The following USP48 variants were observed in gnomAD, a reference collection of about 807,000 sequenced individuals.
USP48 encodes ubiquitin carboxyl-terminal hydrolase 48.
A neutral mutation model predicts 150.7 loss-of-function variants in USP48; 43 were observed. The ratio of observed to expected loss-of-function variants is 0.29; its 90% confidence interval spans 0.22 to 0.37. USP48 has a LOEUF of 0.37. Ranked by LOEUF, USP48 falls within the 10% of genes least tolerant of loss-of-function variation. The probability of loss-of-function intolerance (pLI) is 1.00; values close to 1 mark genes in which losing one functional copy is unlikely to be tolerated. For synonymous variants in USP48, 396 were observed against 425.9 expected (o/e 0.93, Z 0.86); for missense variants, 813 against 1,249.6 (o/e 0.65, Z 5.27).
At chr1:21,729,894 C>T (rs940619304) in intron 9 of USP48, 62 bp from the exon 10 acceptor site, 12 of 1,607,574 alleles carry the variant, frequency 7.5e-6, no homozygotes, top group African/African-American at 5.4e-5. Context: ...TATTCTTTAG[C>T]GGGGCTATAG....
At chr1:21,717,038 G>A (rs1159275555) in intron 14 of USP48, among the ~76,000 whole-genome samples, 1 of 151,154 alleles carries the variant, frequency 6.6e-6, no homozygotes, top group Non-Finnish European at 1.5e-5. Flanking sequence ...ATTATCCATG[G>A]GTTTTCCAGG....
intron 21 of USP48, among the ~76,000 whole-genome samples, chr1:21,701,838 C>A (rs2097657857): frequency 6.6e-6 from 1 of 152,164 alleles, no homozygotes; most frequent in African/African-American, 2.4e-5. Flanking sequence ...GCTCACCATA[C>A]ATTTAAGAGG....
At chr1:21,772,921 CA>C (rs112945957) in intron 1 of USP48, among the ~76,000 whole-genome samples, 10,805 of 108,200 alleles carry the variant, frequency 0.1, 443 homozygotes, top group Middle Eastern at 0.16. Context: ...GACTCTGTCT[CA>C]AAAAAAAAAA....
chr1:21,742,539 A>C (rs1357116774), intron 8 of USP48, among the ~76,000 whole-genome samples: 2 of 67,644 alleles, frequency 3.0e-5, no homozygotes, highest in African/African-American at 8.2e-5. Context: ...GCGAGACTCT[A>C]TCTCAAAAAA....
At chr1:21,686,346 G>A (rs1375561464) in intron 25 of USP48, 1 of 152,176 alleles carries the variant, frequency 6.6e-6, no homozygotes, top group Non-Finnish European at 1.5e-5. Flanking sequence ...TTATTATATT[G>A]AGGTATGTTC....
chr1:21,712,211 T>A (rs2152530078), intron 15 of USP48, among the ~76,000 whole-genome samples: 1 of 152,114 alleles, frequency 6.6e-6, no homozygotes, highest in South Asian at 2.1e-4. Flanking sequence ...ATACAAAAAT[T>A]AACTGGGAGT....
chr1:21,770,558 T>C (rs1306207001), intron 1 of USP48, among the ~76,000 whole-genome samples: 2 of 149,000 alleles, frequency 1.3e-5, no homozygotes, highest in Non-Finnish European at 3.0e-5. Flanking sequence ...CTCAGCTCAC[T>C]GCAACCTCCG....
intron 1 of USP48, chr1:21,781,987 T>G (rs2097915806): frequency 1.3e-5 from 2 of 152,218 alleles, no homozygotes; most frequent in Non-Finnish European, 2.9e-5. Context: ...CCAGAGACCA[T>G]GACTTCCATT....
At chr1:21,708,396 G>T (rs1270377898) in intron 15 of USP48, among the ~76,000 whole-genome samples, 3 of 152,082 alleles carry the variant, frequency 2.0e-5, no homozygotes, top group Non-Finnish European at 1.5e-5. Flanking sequence ...TACTCAGGAG[G>T]CTGAGGCAGA....
chr1:21,701,489 A>T lies in USP48; in HGVS notation c.2727+9T>A. On this transcript the variant is annotated intron_variant, in intron 22 of 26. Coordinates refer to ENST00000308271, the MANE Select transcript of USP48 (RefSeq NM_032236.8). ...AAGTATAACAATGAAAAGCAGCTTC[A>T]ACACATACTTGATTAAAATCTGGAT... 6.2e-7 allele frequency: 1 copy of T among 1,612,462 alleles called. No homozygotes were observed. Among genetic ancestry groups the T allele is most frequent in the Non-Finnish European group, 8.5e-7 (1 of 1,178,550 alleles).
chr1:21,782,671 C>G (rs1432032198), intron 1 of USP48, among the ~76,000 whole-genome samples, 153 bp downstream of exon 1: 2 of 152,242 alleles, frequency 1.3e-5, no homozygotes, highest in Non-Finnish European at 1.5e-5. Context: ...TTTCCCAGGT[C>G]GCGCAGACGG....
intron 11 of USP48, 167 bp from the exon 12 acceptor site, chr1:21,724,262 T>C (rs2097730204): frequency 1.4e-6 from 1 of 690,548 alleles, no homozygotes; most frequent in Non-Finnish European, 2.5e-6. Context: ...AAAGCTCCAG[T>C]TAAGTGCCAC....
chr1:21,727,110 T>C (rs2097739888), intron 11 of USP48, among the ~76,000 whole-genome samples: 1 of 152,192 alleles, frequency 6.6e-6, no homozygotes, highest in Admixed American at 6.5e-5. Flanking sequence ...CAAAAGCACG[T>C]TCCTACTGAG....
At chr1:21,717,580 A>G (rs1377788701) in intron 14 of USP48, among the ~76,000 whole-genome samples, 1 of 152,172 alleles carries the variant, frequency 6.6e-6, no homozygotes, top group Non-Finnish European at 1.5e-5. Context: ...CTCAAGCCTA[A>G]GAAGATGGTC....
At chr1:21,709,677 T>C (rs1366645463) in intron 15 of USP48, among the ~76,000 whole-genome samples, 1 of 152,102 alleles carries the variant, frequency 6.6e-6, no homozygotes, top group Non-Finnish European at 1.5e-5. Flanking sequence ...AACTTTACTA[T>C]TAAATGAGCA....
In USP48 at chr1:21,704,322, T is replaced by C. The variant is rs1189566709; in HGVS notation, c.2455A>G (p.Ile819Val). The change falls in exon 20 of 27, where the codon ATC becomes GTC. Residue 819 changes from isoleucine (I) to valine (V), a missense_variant. Transcript: ENST00000308271. Reference protein sequence around the residue: ...KLFVVDHVIKITRIEVGDVNP... With the variant: ...KLFVVDHVIKVTRIEVGDVNP... ...ACATCTCCCACTTCAATTCTCGTGA[T>C]TTTAATTACATGATCCACAACAAAG... 1.9e-6 allele frequency: 3 copies of C among 1,613,962 alleles called. No homozygotes were observed. The highest frequency in any genetic ancestry group is 2.5e-6 in the Non-Finnish European group (3 of 1,179,990).
chr1:21,776,677 G>C (rs1032143342), intron 1 of USP48, among the ~76,000 whole-genome samples: 2 of 150,840 alleles, frequency 1.3e-5, no homozygotes, highest in Non-Finnish European at 1.5e-5. Flanking sequence ...GACAGGGCCA[G>C]GCACAGTGGC....
At chr1:21,704,612 G>A (rs2097666788) in intron 19 of USP48, 2 of 428,552 alleles carry the variant, frequency 4.7e-6, no homozygotes, top group Non-Finnish European at 8.1e-6. Context: ...AATCAACATG[G>A]TTAGATCTCA....
At chr1:21,679,570 G>T in intron 26 of USP48, 131 bp from the exon 27 acceptor site, 1 of 1,141,304 alleles carries the variant, frequency 8.8e-7, no homozygotes, top group South Asian at 1.3e-5. Flanking sequence ...GCACCTTGGT[G>T]TGGGAGGATA....
Sources: allele counts gnomAD v4.1 joint callset (sites outside exome capture counted in the v4.1 genomes callset), GRCh38; gene constraint gnomAD v4.1.1; transcripts MANE v1.5; gene names NCBI Gene and HGNC (gene_info 2026-07-23, HGNC 2026-07-21).